The following TCEA3 variants were observed in gnomAD, a reference collection of about 807,000 sequenced individuals.
TCEA3 encodes the protein transcription elongation factor A3.
A neutral mutation model predicts 44.0 loss-of-function variants in TCEA3; 36 were observed. The observed-to-expected ratio is 0.82, with a 90% CI of 0.63 to 1.08. The LOEUF is 1.08. Among genes scored for constraint, TCEA3 ranks in the 50% least tolerant of loss-of-function variants. TCEA3 has a pLI of 0.00. For synonymous variants in TCEA3, 162 were observed against 159.7 expected, an observed-to-expected ratio of 1.01 and a Z score of -0.11; for missense variants, 392 against 441.2, an observed-to-expected ratio of 0.89 and a Z score of 1.00.
intron 8 of TCEA3, among the ~76,000 whole-genome samples, chr1:23,392,644 A>C (rs913643949): frequency 4.7e-4 from 28 of 60,194 alleles, no homozygotes; most frequent in Admixed American, 7.8e-4. Flanking sequence ...TCATACACAC[A>C]CACTCCACAC....
Position 23,384,406 on chromosome 1 carries a change from G to C in TCEA3, c.978C>G (p.Arg326=). 6.2e-7 allele frequency: 1 copy of C among 1,613,060 alleles called. No individual in the cohort carries two copies. The change falls in exon 10 of 11, where the codon CGC becomes CGG. Residue 326 remains arginine (R), a synonymous_variant. Transcript: ENST00000450454. ...AGGTAGTCATGGGCTCATCAGCACT[G>C]CGTGTCTGCACCTGAGAGAGAGAAG... ...KNCTYNQVQT[R]SADEPMTTFV...
At position 23,417,422 on chromosome 1, in the gene TCEA3, C is replaced by T. The variant is rs1639926233; in HGVS notation, c.239-32G>A. The T allele has an allele frequency of 5.0e-6, 8 of 1,605,866 alleles. No individual in the cohort carries two copies. In the East Asian group the frequency reaches 1.6e-4, roughly 31 times the overall value. ...ACAAAAGGGTGGCATTGTCCCTCAG[C>T]TAAGCTCTGTCTCAGCAGAACCCAG... On this transcript the variant is annotated intron_variant, in intron 3 of 10. Coordinates refer to ENST00000450454, the MANE Select transcript of TCEA3 (RefSeq NM_003196.3).
At chr1:23,382,102 A>C (rs528446187) in intron 10 of TCEA3, among the ~76,000 whole-genome samples, 2 of 149,564 alleles carry the variant, frequency 1.3e-5, no homozygotes, top group East Asian at 3.9e-4. Flanking sequence ...GCTGGAGTGC[A>C]ATGGCATGAT....
At chr1:23,399,639 G>C (rs1365948874) in intron 5 of TCEA3, among the ~76,000 whole-genome samples, 1 of 151,020 alleles carries the variant, frequency 6.6e-6, no homozygotes, top group Non-Finnish European at 1.5e-5. Flanking sequence ...CTTCTATACA[G>C]AATTTATCTA....
chr1:23,411,959 T>C (rs1294148662), intron 4 of TCEA3: 2 of 152,226 alleles, frequency 1.3e-5, no homozygotes, highest in African/African-American at 4.8e-5. Flanking sequence ...TTTGCTTCTG[T>C]AAGCCTGCTT....
intron 7 of TCEA3, among the ~76,000 whole-genome samples, chr1:23,396,958 T>C (rs1379574606): frequency 6.8e-6 from 1 of 147,564 alleles, no homozygotes; most frequent in African/African-American, 2.5e-5. Context: ...TGAGGCGAGA[T>C]TGCGCCATCG....
chr1:23,389,519 G>A (rs1370930336), intron 8 of TCEA3, among the ~76,000 whole-genome samples: 1 of 151,392 alleles, frequency 6.6e-6, no homozygotes, highest in Non-Finnish European at 1.5e-5. Flanking sequence ...CATTGGTGGT[G>A]CATGCCTGTA....
At chr1:23,413,986 G>GTATATATA (rs33960365) in intron 4 of TCEA3, among the ~76,000 whole-genome samples, 2,137 of 140,946 alleles carry the variant, frequency 0.015, 26 homozygotes, top group South Asian at 0.048. Context: ...CTAGCAGGAT[G>GTATATATA]TATATATATA....
intron 5 of TCEA3, among the ~76,000 whole-genome samples, chr1:23,398,869 G>T (rs1422096069): frequency 6.6e-6 from 1 of 151,830 alleles, no homozygotes; most frequent in Non-Finnish European, 1.5e-5. Flanking sequence ...CTGGGCTCAG[G>T]CAATCCTCCC....
At chr1:23,395,385 T>A (rs1639185940) in intron 7 of TCEA3, among the ~76,000 whole-genome samples, 1 of 152,190 alleles carries the variant, frequency 6.6e-6, no homozygotes, top group African/African-American at 2.4e-5. Flanking sequence ...GGCTGCATTG[T>A]TAGCACAGGG....
chr1:23,399,134 A>ATGTGTG (rs1434173032), intron 5 of TCEA3, among the ~76,000 whole-genome samples: 37 of 74,762 alleles, frequency 4.9e-4, no homozygotes, highest in African/African-American at 1.4e-3. Flanking sequence ...GTTTATATAT[A>ATGTGTG]TGTATATATG....
At chr1:23,407,956 TTTTGTTTTG>T (rs1351326827) in intron 5 of TCEA3, among the ~76,000 whole-genome samples, 1 of 151,992 alleles carries the variant, frequency 6.6e-6, no homozygotes, top group Non-Finnish European at 1.5e-5. Context: ...TTCTTTTTTG[TTTTGTTTTG>T]TTTGTTTTGT....
chr1:23,392,287 C>G (rs935875650), intron 8 of TCEA3, among the ~76,000 whole-genome samples: 1 of 149,128 alleles, frequency 6.7e-6, no homozygotes, highest in African/African-American at 2.5e-5. Flanking sequence ...ACAAACCACA[C>G]ATGCCACACA....
Position 23,417,399 on chromosome 1 carries a change from A to G in TCEA3, c.239-9T>C. ...TGGGGGTCCAGGGGAGTCTGAAAACAAAAGGGTGGCATTGTCCCTCAGCTA... is the reference window on the plus strand; with the variant it reads ...TGGGGGTCCAGGGGAGTCTGAAAACGAAAGGGTGGCATTGTCCCTCAGCTA... On this transcript the variant is annotated splice_polypyrimidine_tract_variant and intron_variant, in intron 3 of 10. Transcript: ENST00000450454. 1 of 1,611,782 alleles carries G rather than the reference A, an allele frequency of 6.2e-7. No homozygotes were observed. The highest frequency in any genetic ancestry group is 8.5e-7 in the Non-Finnish European group (1 of 1,179,344).
In TCEA3 at chr1:23,418,563, C is replaced by A. The variant is rs111581137; in HGVS notation, c.132+514G>T. On this transcript the variant is annotated intron_variant, in intron 2 of 10. Coordinates refer to ENST00000450454, the MANE Select transcript of TCEA3 (RefSeq NM_003196.3). Reference sequence around the variant, plus strand: ...CTGACCTCAGGTGATCTGCCTGCCTCGGCCTCCCAAAGTGATGGGATTACA... The same window carrying A: ...CTGACCTCAGGTGATCTGCCTGCCTAGGCCTCCCAAAGTGATGGGATTACA... Among the ~76,000 whole-genome samples, 1,148 of 152,242 alleles carry A rather than the reference C, an allele frequency of 7.5e-3. 19 individuals carry two copies. Among genetic ancestry groups the A allele is most frequent in the African/African-American group, 0.026 (1,097 of 41,534 alleles).
At chr1:23,396,196 G>A (rs1411017076) in intron 7 of TCEA3, among the ~76,000 whole-genome samples, 1 of 152,042 alleles carries the variant, frequency 6.6e-6, no homozygotes, top group African/African-American at 2.4e-5. Flanking sequence ...TCTGCAGATT[G>A]GCCCCTGGCT....
At chr1:23,412,776 T>C (rs1170971186) in intron 4 of TCEA3, among the ~76,000 whole-genome samples, 1 of 152,114 alleles carries the variant, frequency 6.6e-6, no homozygotes, top group African/African-American at 2.4e-5. Flanking sequence ...AAACCAGGCC[T>C]GGGAGAGGAG....
Position 23,382,969 on chromosome 1 carries a change from T to C in TCEA3, c.1038+1377A>G, listed in dbSNP as rs111928353. On this transcript the variant is annotated intron_variant, in intron 10 of 10. Transcript: ENST00000450454. ...CTAATGAGGCCCCAGTAAGGGCTAC[T>C]GAGGTCCTTAGTAAGAAAAATAATT... is the stretch of plus-strand genomic sequence containing the variant. Among the ~76,000 whole-genome samples, 70 of 152,342 alleles carry C rather than the reference T, an allele frequency of 4.6e-4. 1 individual carries two copies. Among genetic ancestry groups the C allele is most frequent in the African/African-American group, 1.6e-3 (68 of 41,590 alleles).
intron 5 of TCEA3, among the ~76,000 whole-genome samples, chr1:23,398,496 A>G (rs191852142): frequency 6.1e-4 from 93 of 152,346 alleles, no homozygotes; most frequent in African/African-American, 2.0e-3. Context: ...CCTTCCCTTA[A>G]GGGGCTTACA....
Sources: gnomAD v4.1 joint callset for allele counts (sites outside exome capture counted in the v4.1 genomes callset) on GRCh38, gnomAD v4.1.1 for gene constraint, MANE v1.5 for transcripts, NCBI Gene and HGNC (gene_info 2026-07-23, HGNC 2026-07-21) for gene names.